Variants in COPA observed in about 807,000 individuals in gnomAD.
COPA encodes the protein coatomer subunit alpha.
In COPA, 10 loss-of-function variants were observed where a neutral mutation model predicts 158.7. That is an observed-to-expected ratio of 0.06 (90% CI 0.04 to 0.11). The LOEUF (loss-of-function observed/expected upper bound fraction) is 0.11, where lower values mean the gene tolerates loss of function less well. Among genes scored for constraint, COPA ranks in the 10% least tolerant of loss-of-function variants. COPA has a pLI of 1.00. For synonymous variants in COPA, 462 were observed against 542.8 expected, an observed-to-expected ratio of 0.85 and a Z score of 2.07; for missense variants, 1,065 against 1,536.7, an observed-to-expected ratio of 0.69 and a Z score of 5.13.
At chr1:160,316,732 A>G (rs903971222) in intron 8 of COPA, among the ~76,000 whole-genome samples, 1 of 151,714 alleles carries the variant, frequency 6.6e-6, no homozygotes, top group Non-Finnish European at 1.5e-5. Context: ...CCTGGCCAAC[A>G]AGAGCAAAAT....
chr1:160,341,863 C>T (rs1001569279), intron 1 of COPA, among the ~76,000 whole-genome samples: 2 of 151,612 alleles, frequency 1.3e-5, no homozygotes, highest in African/African-American at 4.9e-5. Context: ...GGATGTTTGC[C>T]CTCAAATATT....
Position 160,289,474 on chromosome 1 carries a change from A to G in COPA, c.*683T>C, listed in dbSNP as rs904785596. The G allele has an allele frequency of 1.3e-5, 2 of 152,184 alleles. No individual in the cohort carries two copies. The highest frequency in any genetic ancestry group is 4.8e-5 in the African/African-American group (2 of 41,440). The allele number at this position is 152,184 out of a possible 1,614,324, so 9.4% of individuals were successfully genotyped here. A position where few individuals can be genotyped will look rare whatever the true frequency, so the allele number is the denominator to read the frequency against. On this transcript the variant is annotated 3_prime_UTR_variant, in exon 33 of 33. Transcript: ENST00000241704. ...TTAAGAGTTGGTGTGGCCTAGTCAC[A>G]CCAAAATGTATTTATTACATCCTGC...
At position 160,333,642 on chromosome 1, in the gene COPA, G is replaced by A; in HGVS notation, c.347C>T (p.Thr116Ile). The change falls in exon 5 of 33, where the codon ACC (threonine) becomes ATC (isoleucine). Residue 116 changes from threonine to isoleucine, a missense_variant. Around this residue, in one of 2 missense-constraint regions of COPA, gnomAD observed 85 missense variants for 178.9 expected, o/e 0.48. Transcript: ENST00000241704. The part of the protein sequence containing the change: ...PWILSASDDQ[T>I]IRVWNWQSRT... Reference sequence around the variant, plus strand: ...AGATTGCCAGTTCCACACTCGGATGGTCTGATCATCGGAGGCACTCAGAAT... The same window carrying A: ...AGATTGCCAGTTCCACACTCGGATGATCTGATCATCGGAGGCACTCAGAAT... The A allele has an allele frequency of 6.2e-7, 1 of 1,613,424 alleles. No individual in the cohort carries two copies. The highest frequency in any genetic ancestry group is 8.5e-7 in the Non-Finnish European group (1 of 1,179,556).
chr1:160,332,366 A>T, intron 6 of COPA, 82 bp downstream of exon 6: 1 of 844,140 alleles, frequency 1.2e-6, no homozygotes. Flanking sequence ...TCCAGTTCTA[A>T]GTCAACTCTC....
At position 160,292,161 on chromosome 1, in the gene COPA, C is replaced by T. The variant is rs1658259954; in HGVS notation, c.2998G>A (p.Gly1000Ser). ...AGLKNGVPAVGLKLNDLIQRL... is the reference protein window; with the variant it reads ...AGLKNGVPAVSLKLNDLIQRL... Reference sequence around the variant, plus strand: ...TGGATGAGGTCATTAAGCTTCAGGCCCACAGCTGGTACACCATTCTTCAGC... The same window carrying T: ...TGGATGAGGTCATTAAGCTTCAGGCTCACAGCTGGTACACCATTCTTCAGC... The change falls in exon 29 of 33, where the codon GGC becomes AGC. Residue 1000 changes from glycine to serine, a missense_variant. Around this residue, in one of 2 missense-constraint regions of COPA, gnomAD observed 980 missense variants for 1,357.8 expected, o/e 0.72. Coordinates refer to ENST00000241704, the MANE Select transcript of COPA (RefSeq NM_004371.4). 2.5e-6 allele frequency: 4 copies of T among 1,613,626 alleles called. No homozygotes were observed. The highest frequency in any genetic ancestry group is 2.2e-5 in the East Asian group (1 of 44,878).
chr1:160,301,224 T>C (rs1658592158), intron 17 of COPA, among the ~76,000 whole-genome samples: 1 of 152,152 alleles, frequency 6.6e-6, no homozygotes, highest in African/African-American at 2.4e-5. Context: ...ATTGTATGAC[T>C]ACCCCAATGC....
At chr1:160,330,132 A>G (rs1047115726) in intron 6 of COPA, among the ~76,000 whole-genome samples, 3 of 151,974 alleles carry the variant, frequency 2.0e-5, no homozygotes, top group African/African-American at 7.3e-5. Context: ...CCCCCCCAAA[A>G]AAAAATTGCC....
At chr1:160,304,835 C>T (rs1658728162) in intron 17 of COPA, among the ~76,000 whole-genome samples, 1 of 151,948 alleles carries the variant, frequency 6.6e-6, no homozygotes, top group South Asian at 2.1e-4. Context: ...CTAGAATTCA[C>T]TCAAATATTC....
At chr1:160,324,130 G>A (rs933563469) in intron 7 of COPA, among the ~76,000 whole-genome samples, 2 of 151,916 alleles carry the variant, frequency 1.3e-5, no homozygotes, top group African/African-American at 4.8e-5. Flanking sequence ...CACAGTGCTG[G>A]GATTACAGGC....
chr1:160,338,289 C>T (rs1350781401), intron 3 of COPA, among the ~76,000 whole-genome samples: 4 of 151,954 alleles, frequency 2.6e-5, no homozygotes, highest in East Asian at 3.9e-4. Flanking sequence ...TTTTGATTGC[C>T]CCAGGATGTG....
At chr1:160,319,628 A>T (rs1659266927) in intron 8 of COPA, among the ~76,000 whole-genome samples, 2 of 151,680 alleles carry the variant, frequency 1.3e-5, no homozygotes, top group South Asian at 4.2e-4. Flanking sequence ...ACTATACTTT[A>T]GGCCACAAAA....
chr1:160,310,968 C>T (rs566319097), intron 11 of COPA, among the ~76,000 whole-genome samples: 2 of 152,220 alleles, frequency 1.3e-5, no homozygotes, highest in African/African-American at 4.8e-5. Context: ...GCAAGAGACC[C>T]AGCAAATTGT....
At chr1:160,290,259 A>C (rs778464744) in intron 32 of COPA, 43 bp from the exon 33 acceptor site, 54 of 1,607,276 alleles carry the variant, frequency 3.4e-5, no homozygotes, top group Non-Finnish European at 4.4e-5. Context: ...GATTTGTAAG[A>C]TTGAGAACCC....
intron 1 of COPA, 56 bp downstream of exon 1, chr1:160,343,075 T>C: frequency 6.2e-7 from 1 of 1,606,700 alleles, no homozygotes; most frequent in African/African-American, 1.3e-5. Flanking sequence ...TCTTCCCCGG[T>C]GTCAGCGCCG....
intron 5 of COPA, 149 bp downstream of exon 5, chr1:160,333,454 T>C: frequency 1.9e-6 from 1 of 534,092 alleles, no homozygotes; most frequent in Admixed American, 3.4e-5. Context: ...TTTATTATTT[T>C]GCACTTAAAA....
At chr1:160,327,766 G>A (rs368452382) in intron 6 of COPA, among the ~76,000 whole-genome samples, 3 of 152,068 alleles carry the variant, frequency 2.0e-5, no homozygotes, top group South Asian at 4.1e-4. Context: ...GCTGAGGCAG[G>A]AGAATCACTT....
intron 3 of COPA, 65 bp from the exon 4 acceptor site, chr1:160,335,387 T>C (rs189377363): frequency 1.2e-4 from 159 of 1,285,258 alleles, no homozygotes; most frequent in East Asian, 2.5e-4. Context: ...CTCAGAGAAA[T>C]TGATATCTTT....
intron 10 of COPA, 118 bp downstream of exon 10, chr1:160,312,967 G>C: frequency 1.2e-6 from 1 of 866,436 alleles, no homozygotes; most frequent in East Asian, 2.6e-5. Flanking sequence ...GTGGCTCTGA[G>C]AGTCCTTCTT....
At position 160,310,234 on chromosome 1, in the gene COPA, A is replaced by G; in HGVS notation, c.1101T>C (p.Asn367=). 6.2e-7 allele frequency: 1 copy of G among 1,604,744 alleles called. No homozygotes were observed. The highest frequency in any genetic ancestry group is 8.5e-7 in the Non-Finnish European group (1 of 1,175,568). ...LRSGSKFPVF[N]MSYNPAENAV... ...CATTTTCTGCTGGATTGTATGACAT[A>G]TTGAATACTGGAAACTTGGAACCAC... The change falls in exon 12 of 33, where the codon AAT becomes AAC. Residue 367 remains asparagine (N), a synonymous_variant. Transcript: ENST00000241704.
Sources: gnomAD v4.1 joint callset for allele counts (sites outside exome capture counted in the v4.1 genomes callset) on GRCh38, gnomAD v4.1.1 for gene constraint, gnomAD v4.1.1 regional missense constraint, MANE v1.5 for transcripts, NCBI Gene and HGNC (gene_info 2026-07-23, HGNC 2026-07-21) for gene names.